ACVR2A: variants seen among roughly 807,000 people sequenced by gnomAD.
ACVR2A encodes activin receptor type-2A.
A neutral mutation model predicts 61.4 loss-of-function variants in ACVR2A; 7 were observed. The ratio of observed to expected loss-of-function variants is 0.11; its 90% CI spans 0.06 to 0.21. The LOEUF is 0.21. Among genes scored for constraint, ACVR2A ranks in the 10% least tolerant of loss-of-function variants. The pLI, the probability that ACVR2A is intolerant of heterozygous loss-of-function variation, is 1.00. For synonymous variants in ACVR2A, 193 were observed against 208.3 expected (o/e 0.93, Z 0.63); for missense variants, 322 against 621.7 (o/e 0.52, Z 5.13).
chr2:147,912,586 AT>A (rs1687144934), intron 4 of ACVR2A, among the ~76,000 whole-genome samples: 1 of 151,814 alleles, frequency 6.6e-6, no homozygotes. Context: ...TCAAGTATTG[AT>A]TTTTTTGTGA....
rs73020006 is a variant in ACVR2A, at chr2:147,849,813, C to T, written c.55+4606C>T. On this transcript the variant is annotated intron_variant, in intron 1 of 10. Coordinates refer to ENST00000241416, the MANE Select transcript of ACVR2A (RefSeq NM_001616.5). ...CCCTTCTCTCTGATACTGACATTTTCGCCTTTTGGGTCCACCAGACTCACT... is the reference window on the plus strand; with the variant it reads ...CCCTTCTCTCTGATACTGACATTTTTGCCTTTTGGGTCCACCAGACTCACT... 2.6e-3 allele frequency among the ~76,000 whole-genome samples: 397 copies of T among 152,260 alleles called. 1 individual carries two copies. The highest frequency in any genetic ancestry group is 8.9e-3 in the African/African-American group (369 of 41,552).
chr2:147,870,396 G>A (rs1463567362), intron 1 of ACVR2A, among the ~76,000 whole-genome samples: 4 of 152,082 alleles, frequency 2.6e-5, no homozygotes, highest in African/African-American at 9.7e-5. Flanking sequence ...TTTGGGTGAA[G>A]TATACCTTGC....
At position 147,924,645 on chromosome 2, in the gene ACVR2A, G is replaced by C. The variant is rs140861997; in HGVS notation, c.1217-1386G>C. The stretch of plus-strand genomic sequence containing the variant: ...GAACCCAATTGTTAAGTCAGAAATT[G>C]GGGTAGAGAGGATAGTGTGAGCATT... On this transcript the variant is annotated intron_variant, in intron 9 of 10. Transcript: ENST00000241416. 8.3e-4 allele frequency among the ~76,000 whole-genome samples: 126 copies of C among 152,016 alleles called. 6 individuals are homozygous for C. In the East Asian group the frequency reaches 0.024, roughly 29 times the overall value.
chr2:147,881,740 T>C (rs982329774), intron 1 of ACVR2A, among the ~76,000 whole-genome samples: 5 of 151,784 alleles, frequency 3.3e-5, no homozygotes, highest in African/African-American at 7.3e-5. Context: ...TTTATTCTTT[T>C]TTCATATATC....
intron 1 of ACVR2A, among the ~76,000 whole-genome samples, chr2:147,892,041 G>A (rs768995779): frequency 3.3e-5 from 5 of 150,928 alleles, no homozygotes; most frequent in Non-Finnish European, 7.4e-5. Context: ...GTACGATCTC[G>A]GCTCACTGCA....
In ACVR2A at chr2:147,927,826, G is replaced by A. The variant is rs1687540820; in HGVS notation, c.*552G>A. The A allele has an allele frequency of 6.6e-6, 1 of 152,292 alleles. No homozygotes were observed. The highest frequency in any genetic ancestry group is 1.5e-5 in the Non-Finnish European group (1 of 67,896). 9.4% of individuals were successfully genotyped at this position (152,292 alleles called of 1,614,324 possible). ...CATCAAAGTGGGGTACAGTAAAGAGGCTTCCAAGCATTACTTTAACCTCCC... is the reference window on the plus strand; with the variant it reads ...CATCAAAGTGGGGTACAGTAAAGAGACTTCCAAGCATTACTTTAACCTCCC... On this transcript the variant is annotated 3_prime_UTR_variant, in exon 11 of 11. Coordinates refer to ENST00000241416, the MANE Select transcript of ACVR2A (RefSeq NM_001616.5).
intron 1 of ACVR2A, among the ~76,000 whole-genome samples, chr2:147,882,325 C>T (rs916126174): frequency 6.6e-6 from 1 of 152,306 alleles, no homozygotes; most frequent in South Asian, 2.1e-4. Context: ...CCCAGTGGGG[C>T]GGATCACTTG....
At chr2:147,892,363 A>T (rs1686609637) in intron 1 of ACVR2A, among the ~76,000 whole-genome samples, 1 of 151,412 alleles carries the variant, frequency 6.6e-6, no homozygotes, top group African/African-American at 2.4e-5. Context: ...GAGGAAGTCC[A>T]TGGCACCATT....
In ACVR2A at chr2:147,918,440, T is replaced by C. The variant is rs563122066; in HGVS notation, c.817-7T>C. ...ACATAAGTTTCTTTTTTTCCCTCTT[T>C]TTTTAGGGTTCACTATCAGACTTTC... is the stretch of plus-strand genomic sequence containing the variant. On this transcript the variant is annotated splice_polypyrimidine_tract_variant and splice_region_variant and intron_variant, in intron 6 of 10. Coordinates refer to ENST00000241416, the MANE Select transcript of ACVR2A (RefSeq NM_001616.5). 6.3e-7 allele frequency: 1 copy of C among 1,596,204 alleles called. No homozygotes were observed. The highest frequency in any genetic ancestry group is 1.2e-5 in the South Asian group (1 of 86,904).
intron 2 of ACVR2A, among the ~76,000 whole-genome samples, chr2:147,898,654 G>A (rs1448649021): frequency 6.6e-6 from 1 of 151,974 alleles, no homozygotes; most frequent in Non-Finnish European, 1.5e-5. Context: ...ATCTGATGTT[G>A]ATTTTTTTTA....
intron 2 of ACVR2A, chr2:147,898,442 T>G (rs1391774428): frequency 6.6e-6 from 1 of 152,176 alleles, no homozygotes; most frequent in Non-Finnish European, 1.5e-5. Context: ...CTTTATAAAT[T>G]GTTAAAATTT....
Position 147,917,368 on chromosome 2 carries a change from A to G in ACVR2A, c.758A>G (p.Glu253Gly). ...AACATATTACAGTTCATTGGTGCAG[A>G]AAAACGAGGCACCAGTGTTGATGTG... The part of the protein sequence containing the change: ...HENILQFIGA[E>G]KRGTSVDVDL... Residue 253 changes from glutamate to glycine, a missense_variant, in exon 6 of 11, where the codon GAA becomes GGA. Glu to Gly is a moderately conservative substitution (Grantham distance 98). This residue lies in a region of ACVR2A where 146 missense variants were observed against 383.8 expected (regional missense o/e 0.38). Coordinates refer to ENST00000241416, the MANE Select transcript of ACVR2A (RefSeq NM_001616.5). 6.2e-7 allele frequency: 1 copy of G among 1,612,468 alleles called. No homozygotes were observed. Among genetic ancestry groups the G allele is most frequent in the Non-Finnish European group, 8.5e-7 (1 of 1,178,940 alleles).
At chr2:147,864,616 T>A (rs1254649865) in intron 1 of ACVR2A, among the ~76,000 whole-genome samples, 1 of 152,124 alleles carries the variant, frequency 6.6e-6, no homozygotes, top group Non-Finnish European at 1.5e-5. Context: ...CTTATCTGTG[T>A]TTTTTAGGCT....
At chr2:147,850,596 C>T (rs769372654) in intron 1 of ACVR2A, among the ~76,000 whole-genome samples, 3 of 152,088 alleles carry the variant, frequency 2.0e-5, no homozygotes, top group African/African-American at 4.8e-5. Flanking sequence ...CATTAGACTT[C>T]CTCTGTGGTA....
intron 1 of ACVR2A, among the ~76,000 whole-genome samples, chr2:147,883,315 C>G (rs771905318): frequency 1.3e-5 from 2 of 152,140 alleles, no homozygotes; most frequent in African/African-American, 4.8e-5. Flanking sequence ...CTCAGCCTCC[C>G]GAGTAGCTGG....
At chr2:147,882,060 A>C (rs1000024278) in intron 1 of ACVR2A, among the ~76,000 whole-genome samples, 3 of 152,180 alleles carry the variant, frequency 2.0e-5, no homozygotes, top group Admixed American at 2.0e-4. Flanking sequence ...TTGGGACTCT[A>C]AAACTTTTAT....
At chr2:147,869,046 ACTGTTCTTT>A (rs1379640006) in intron 1 of ACVR2A, among the ~76,000 whole-genome samples, 1 of 152,024 alleles carries the variant, frequency 6.6e-6, no homozygotes, top group Admixed American at 6.6e-5. Context: ...ACTTTCTGTC[ACTGTTCTTT>A]CATATCTTTA....
chr2:147,850,697 G>A (rs1407523014), intron 1 of ACVR2A, among the ~76,000 whole-genome samples: 1 of 152,090 alleles, frequency 6.6e-6, no homozygotes, highest in South Asian at 2.1e-4. Context: ...CAGGAATAGT[G>A]TATAGAGGAA....
intron 1 of ACVR2A, among the ~76,000 whole-genome samples, chr2:147,890,627 A>G (rs1414749882): frequency 2.0e-5 from 3 of 152,106 alleles, no homozygotes; most frequent in African/African-American, 7.2e-5. Flanking sequence ...AGTAGTAACT[A>G]TTTAGAGTTA....
Sources: gnomAD v4.1 joint callset for allele counts (sites outside exome capture counted in the v4.1 genomes callset) on GRCh38, gnomAD v4.1.1 for gene constraint, gnomAD v4.1.1 regional missense constraint, MANE v1.5 for transcripts, NCBI Gene and HGNC (gene_info 2026-07-23, HGNC 2026-07-21) for gene names.